DLC1: variants seen among roughly 807,000 people sequenced by gnomAD.
DLC1 encodes the protein DLC1 Rho GTPase activating protein.
Under a neutral mutation model 140.3 loss-of-function variants are expected in DLC1, and 54 were observed. That is an observed-to-expected ratio of 0.38 (90% CI 0.31 to 0.48). DLC1 has a LOEUF of 0.48. Among genes scored for constraint, DLC1 ranks in the 20% least tolerant of loss-of-function variants. DLC1 has a pLI of 0.96. For synonymous variants in DLC1, 986 were observed against 728.1 expected, an observed-to-expected ratio of 1.35 and a Z score of -5.70; for missense variants, 2,536 against 1,907.0, an observed-to-expected ratio of 1.33 and a Z score of -6.14.
At chr8:13,293,940 T>C (rs547871156) in intron 5 of DLC1, among the ~76,000 whole-genome samples, 1 of 152,342 alleles carries the variant, frequency 6.6e-6, no homozygotes, top group African/African-American at 2.4e-5. Flanking sequence ...AATATAGTTC[T>C]GTAGCCAAAA....
intron 4 of DLC1, among the ~76,000 whole-genome samples, chr8:13,385,278 C>T (rs1204021466): frequency 6.6e-6 from 1 of 152,124 alleles, no homozygotes. Context: ...ACAACAACAA[C>T]AACACAGATA....
intron 5 of DLC1, among the ~76,000 whole-genome samples, chr8:13,234,503 A>G (rs1181094694): frequency 6.6e-6 from 1 of 152,158 alleles, no homozygotes; most frequent in African/African-American, 2.4e-5. Flanking sequence ...TAGCTAATTT[A>G]AGACAATGCA....
intron 5 of DLC1, among the ~76,000 whole-genome samples, chr8:13,251,694 C>G (rs1830012219): frequency 6.6e-6 from 1 of 152,020 alleles, no homozygotes; most frequent in African/African-American, 2.4e-5. Flanking sequence ...TAACTGAGCT[C>G]AAAATCATGA....
chr8:13,102,646 G>A (rs1182722216), intron 8 of DLC1, 144 bp downstream of exon 8: 2 of 733,396 alleles, frequency 2.7e-6, no homozygotes, highest in East Asian at 2.5e-5. Context: ...AGGCTATCAA[G>A]TCTAGGCGAT....
At chr8:13,346,212 G>C (rs1005319184) in intron 4 of DLC1, among the ~76,000 whole-genome samples, 1 of 152,276 alleles carries the variant, frequency 6.6e-6, no homozygotes, top group South Asian at 2.1e-4. Flanking sequence ...TCTACAACTT[G>C]GTTAAAGTTT....
chr8:13,348,648 A>G (rs1834486934), intron 4 of DLC1, among the ~76,000 whole-genome samples: 1 of 152,198 alleles, frequency 6.6e-6, no homozygotes, highest in Admixed American at 6.5e-5. Context: ...TTAGAAAATC[A>G]CAGAAGAAGC....
At chr8:13,298,736 A>C (rs928032877) in intron 5 of DLC1, among the ~76,000 whole-genome samples, 2 of 152,208 alleles carry the variant, frequency 1.3e-5, no homozygotes, top group African/African-American at 4.8e-5. Flanking sequence ...TTTTCAAGAC[A>C]GGGGATAAAA....
chr8:13,256,120 C>G (rs1339655360), intron 5 of DLC1, among the ~76,000 whole-genome samples: 1 of 152,142 alleles, frequency 6.6e-6, no homozygotes, highest in African/African-American at 2.4e-5. Context: ...CTAAGGTTTA[C>G]AAGGTAGACT....
At chr8:13,580,248 G>T (rs529978616) in intron 1 of DLC1, among the ~76,000 whole-genome samples, 1 of 151,714 alleles carries the variant, frequency 6.6e-6, no homozygotes, top group Non-Finnish European at 1.5e-5. Flanking sequence ...TCAGCCTCCC[G>T]AGTAGCTGGG....
At chr8:13,556,038 C>A (rs957110185) in intron 1 of DLC1, among the ~76,000 whole-genome samples, 2 of 151,948 alleles carry the variant, frequency 1.3e-5, no homozygotes, top group African/African-American at 2.4e-5. Context: ...GAGAGAAGGA[C>A]AAAAGAGAAA....
At position 13,501,585 on chromosome 8, in the gene DLC1, A is replaced by G. The variant is rs368929367; in HGVS notation, c.-125-1389T>C. On this transcript the variant is annotated intron_variant, in intron 1 of 17. Coordinates refer to ENST00000276297, the MANE Select transcript of DLC1 (RefSeq NM_182643.3). ...TGTAAAGGGCCTTGACTCCCCAACA[A>G]AAATTTCGAGCTGTTCTGACTAAGC... Among the ~76,000 whole-genome samples, 9 of 152,280 alleles carry G rather than the reference A, an allele frequency of 5.9e-5. No homozygotes were observed. In the East Asian group the frequency reaches 1.7e-3, roughly 29 times the overall value.
intron 5 of DLC1, among the ~76,000 whole-genome samples, chr8:13,243,365 G>A (rs1292655883): frequency 2.0e-5 from 3 of 149,882 alleles, no homozygotes; most frequent in Non-Finnish European, 4.4e-5. Flanking sequence ...ATGTGAAGAT[G>A]TGCTTCCCCC....
At chr8:13,469,555 T>C (rs1434701936) in intron 2 of DLC1, among the ~76,000 whole-genome samples, 8 of 152,196 alleles carry the variant, frequency 5.3e-5, no homozygotes, top group African/African-American at 1.7e-4. Context: ...GGCTGACATA[T>C]AGTAATTATT....
chr8:13,133,640 C>G (rs1316647920), intron 5 of DLC1, among the ~76,000 whole-genome samples: 1 of 151,120 alleles, frequency 6.6e-6, no homozygotes, highest in Non-Finnish European at 1.5e-5. Context: ...AAGTCGCCAA[C>G]TATTGGCCCC....
chr8:13,367,634 T>TC (rs1479927156), intron 4 of DLC1, among the ~76,000 whole-genome samples: 11 of 152,194 alleles, frequency 7.2e-5, no homozygotes, highest in Admixed American at 4.6e-4. Flanking sequence ...CTTTCCTGTA[T>TC]CCTTTGAAGT....
chr8:13,108,561 A>G (rs1428975773), intron 7 of DLC1, among the ~76,000 whole-genome samples: 2 of 152,254 alleles, frequency 1.3e-5, no homozygotes, highest in African/African-American at 4.8e-5. Context: ...GGAAAACAAC[A>G]TTTCAAACTG....
chr8:13,349,895 A>C (rs1410879746), intron 4 of DLC1, among the ~76,000 whole-genome samples: 1 of 152,230 alleles, frequency 6.6e-6, no homozygotes, highest in Admixed American at 6.5e-5. Flanking sequence ...ATGTAGCCAC[A>C]GGATGACTGG....
intron 4 of DLC1, among the ~76,000 whole-genome samples, chr8:13,335,462 T>A: frequency 6.6e-6 from 1 of 152,210 alleles, no homozygotes; most frequent in East Asian, 1.9e-4. Context: ...CAAAAAGTCT[T>A]TTCTAGATCA....
At chr8:13,116,321 A>G (rs1820555520) in intron 5 of DLC1, 1 of 784,060 alleles carries the variant, frequency 1.3e-6, no homozygotes, top group Non-Finnish European at 1.5e-6. Context: ...TGTAGATAGA[A>G]TCGATAAACA....
Sources: gnomAD v4.1 joint callset for allele counts (sites outside exome capture counted in the v4.1 genomes callset) on GRCh38, gnomAD v4.1.1 for gene constraint, MANE v1.5 for transcripts, NCBI Gene and HGNC (gene_info 2026-07-23, HGNC 2026-07-21) for gene names.